The following ABI3BP variants were observed in gnomAD, a reference collection of about 807,000 sequenced individuals.
ABI3BP encodes the protein ABI family member 3 binding protein, also known as target of Nesh-SH3.
In ABI3BP, 216 loss-of-function variants were observed where a neutral mutation model predicts 268.6. The ratio of observed to expected loss-of-function variants is 0.80; its 90% CI spans 0.72 to 0.90. The LOEUF (loss-of-function observed/expected upper bound fraction) is 0.90, where lower values mean the gene tolerates loss of function less well. ABI3BP is among the 40% of genes least tolerant of loss of function. ABI3BP has a pLI of 0.00. For missense variants in ABI3BP, 2,090 were observed against 2,182.4 expected, an observed-to-expected ratio of 0.96 and a Z score of 0.84; for synonymous variants, 730 against 730.0, an observed-to-expected ratio of 1.00 and a Z score of 0.00.
At chr3:100,825,192 C>T (rs1335199300) in intron 35 of ABI3BP, among the ~76,000 whole-genome samples, 1 of 152,060 alleles carries the variant, frequency 6.6e-6, no homozygotes, top group Non-Finnish European at 1.5e-5. Context: ...ACTTATAGAA[C>T]TTCCTTGCTG....
intron 31 of ABI3BP, 97 bp downstream of exon 31, chr3:100,832,167 T>C: frequency 8.5e-7 from 1 of 1,181,666 alleles, no homozygotes; most frequent in Non-Finnish European, 1.2e-6. Context: ...TTAAGAGATA[T>C]ATAGGGCACA....
rs2149127179 is a variant in ABI3BP at position 100,749,519 on chromosome 3, T to G, written c.*976A>C. The stretch of plus-strand genomic sequence containing the variant: ...AAGGACAATACCTTTTTAATAGAAA[T>G]AAATGAGTTAGTTAGTTAGATTTTT... On this transcript the variant is annotated 3_prime_UTR_variant, in exon 68 of 68. Transcript: ENST00000471714. The G allele has an allele frequency of 2.5e-6, 1 of 394,968 alleles. No homozygotes were observed. Among genetic ancestry groups the G allele is most frequent in the Middle Eastern group, 6.4e-4 (1 of 1,572 alleles). 24.5% of individuals were successfully genotyped at this position (394,968 alleles called of 1,614,324 possible).
intron 34 of ABI3BP, among the ~76,000 whole-genome samples, chr3:100,827,675 TTC>T (rs1474587362): frequency 6.6e-6 from 1 of 152,182 alleles, no homozygotes; most frequent in Non-Finnish European, 1.5e-5. Context: ...CTTTATCTTC[TTC>T]TGTTATTTAA....
intron 10 of ABI3BP, 91 bp downstream of exon 10, chr3:100,866,788 T>C: frequency 9.5e-7 from 1 of 1,048,714 alleles, no homozygotes; most frequent in Non-Finnish European, 1.4e-6. Context: ...TATTTCCTAC[T>C]GGCTCTTTAC....
chr3:100,891,884 T>A (rs1052294695), intron 4 of ABI3BP, among the ~76,000 whole-genome samples: 1 of 152,202 alleles, frequency 6.6e-6, no homozygotes, highest in African/African-American at 2.4e-5. Context: ...TAGACATGCA[T>A]ATGTGTATGA....
intron 55 of ABI3BP, among the ~76,000 whole-genome samples, chr3:100,790,663 T>C (rs1174212483): frequency 6.6e-6 from 1 of 152,008 alleles, no homozygotes; most frequent in Non-Finnish European, 1.5e-5. Context: ...ATAATAACCA[T>C]AAAAATTAAT....
intron 1 of ABI3BP, among the ~76,000 whole-genome samples, chr3:100,930,063 G>A (rs2063122809): frequency 6.6e-6 from 1 of 151,946 alleles, no homozygotes; most frequent in African/African-American, 2.4e-5. Context: ...TGGTTTAGTA[G>A]TTTGGAATAC....
At chr3:100,910,357 A>G (rs1304506164) in intron 2 of ABI3BP, among the ~76,000 whole-genome samples, 1 of 152,140 alleles carries the variant, frequency 6.6e-6, no homozygotes, top group Non-Finnish European at 1.5e-5. Flanking sequence ...TTGTATACCT[A>G]TGTAACAAAC....
chr3:100,752,450 T>C (rs1411117268), intron 66 of ABI3BP: 1 of 206,068 alleles, frequency 4.9e-6, no homozygotes, highest in African/African-American at 2.3e-5. Flanking sequence ...ATTCCATGGT[T>C]ATTGTTAGAT....
At chr3:100,813,822 C>T in intron 44 of ABI3BP, 87 bp from the exon 45 acceptor site, 1 of 1,121,370 alleles carries the variant, frequency 8.9e-7, no homozygotes, top group Non-Finnish European at 1.3e-6. Context: ...AAATAAAATA[C>T]ACAGACCCTG....
At chr3:100,764,881 T>TA (rs2096193760) in intron 63 of ABI3BP, among the ~76,000 whole-genome samples, 2 of 152,188 alleles carry the variant, frequency 1.3e-5, no homozygotes, top group African/African-American at 4.8e-5. Context: ...AAATATATCT[T>TA]AGAGAACTTT....
At chr3:100,785,245 T>C (rs879154417) in intron 57 of ABI3BP, among the ~76,000 whole-genome samples, 1 of 152,094 alleles carries the variant, frequency 6.6e-6, no homozygotes, top group Non-Finnish European at 1.5e-5. Context: ...CATGAAACCA[T>C]TTAACACAAA....
chr3:100,897,818 A>C (rs1010416513), intron 4 of ABI3BP, among the ~76,000 whole-genome samples: 1 of 152,220 alleles, frequency 6.6e-6, no homozygotes, highest in Admixed American at 6.5e-5. Flanking sequence ...GAATAAGAAA[A>C]CTTCTGAAAT....
intron 14 of ABI3BP, among the ~76,000 whole-genome samples, chr3:100,854,351 TAAC>T (rs970607321): frequency 7.9e-5 from 12 of 151,862 alleles, no homozygotes; most frequent in South Asian, 2.1e-4. Context: ...AGCAACTCCA[TAAC>T]AACAACAACA....
chr3:100,799,949 A>G (rs1369166134), intron 51 of ABI3BP, among the ~76,000 whole-genome samples: 1 of 152,148 alleles, frequency 6.6e-6, no homozygotes, highest in Non-Finnish European at 1.5e-5. Context: ...CAAGGCTAGC[A>G]TGTACACACC....
intron 1 of ABI3BP, among the ~76,000 whole-genome samples, chr3:100,929,526 G>A (rs1255772107): frequency 6.6e-6 from 1 of 151,972 alleles, no homozygotes; most frequent in Non-Finnish European, 1.5e-5. Flanking sequence ...AATTTAAAAT[G>A]TTCTGAAAGA....
At chr3:100,913,787 A>G (rs2057618273) in intron 2 of ABI3BP, among the ~76,000 whole-genome samples, 1 of 152,212 alleles carries the variant, frequency 6.6e-6, no homozygotes, top group African/African-American at 2.4e-5. Context: ...ACAAAGTAAT[A>G]TAAGTCCTCC....
At chr3:100,769,504 C>T (rs2149853569) in intron 62 of ABI3BP, among the ~76,000 whole-genome samples, 2 of 152,178 alleles carry the variant, frequency 1.3e-5, no homozygotes, top group South Asian at 2.1e-4. Context: ...GATGTGTATT[C>T]GATAATTAAA....
intron 2 of ABI3BP, chr3:100,911,252 G>A (rs2056327901): frequency 3.1e-6 from 1 of 324,856 alleles, no homozygotes; most frequent in Non-Finnish European, 6.0e-6. Context: ...TCGAGGTGGA[G>A]GTTGTTGTTA....
Sources: gnomAD v4.1 joint callset for allele counts (sites outside exome capture counted in the v4.1 genomes callset) on GRCh38, gnomAD v4.1.1 for gene constraint, MANE v1.5 for transcripts, NCBI Gene and HGNC (gene_info 2026-07-23, HGNC 2026-07-21) for gene names.